The following FAT1 variants were observed in gnomAD, a reference collection of about 807,000 sequenced individuals.
The protein encoded by FAT1 is FAT atypical cadherin 1.
A neutral mutation model predicts 329.8 loss-of-function variants in FAT1; 171 were observed. That is an observed-to-expected ratio of 0.52 (90% confidence interval 0.46 to 0.59). The LOEUF (loss-of-function observed/expected upper bound fraction) is 0.59, where lower values mean the gene tolerates loss of function less well. Among genes scored for constraint, FAT1 ranks in the 20% least tolerant of loss-of-function variants. FAT1 has a pLI of 0.00. For synonymous variants in FAT1, 2,233 were observed against 2,228.6 expected (o/e 1.00, Z -0.06); for missense variants, 5,672 against 5,774.4 (o/e 0.98, Z 0.57).
intron 3 of FAT1, among the ~76,000 whole-genome samples, chr4:186,653,872 T>G (rs2126600361): frequency 6.6e-6 from 1 of 152,284 alleles, no homozygotes; most frequent in Admixed American, 6.5e-5. Flanking sequence ...TAGAAACAGT[T>G]TGATGACCCC....
chr4:186,695,760 A>AACACACACACACAC (rs34932295), intron 2 of FAT1, among the ~76,000 whole-genome samples: 33 of 141,332 alleles, frequency 2.3e-4, no homozygotes, highest in African/African-American at 4.8e-4. Context: ...TTATATATAA[A>AACACACACACACAC]ACACACACAC....
chr4:186,678,369 C>T (rs1743045635), intron 2 of FAT1, among the ~76,000 whole-genome samples: 1 of 151,100 alleles, frequency 6.6e-6, no homozygotes, highest in African/African-American at 2.4e-5. Context: ...TTTGTAAGGC[C>T]AATCTAGTAG....
intron 16 of FAT1, among the ~76,000 whole-genome samples, chr4:186,607,544 T>G (rs1168104252): frequency 6.6e-6 from 1 of 151,566 alleles, no homozygotes; most frequent in African/African-American, 2.4e-5. Context: ...GGTGGATGGA[T>G]GGATAACTGG....
At chr4:186,718,307 T>C (rs529502878) in intron 1 of FAT1, among the ~76,000 whole-genome samples, 1 of 152,292 alleles carries the variant, frequency 6.6e-6, no homozygotes, top group East Asian at 1.9e-4. Flanking sequence ...CTGCCTCTTC[T>C]ACAGCTCCTC....
At chr4:186,676,767 T>A (rs1020280461) in intron 2 of FAT1, among the ~76,000 whole-genome samples, 1 of 152,138 alleles carries the variant, frequency 6.6e-6, no homozygotes, top group Non-Finnish European at 1.5e-5. Flanking sequence ...GTCTCTGGAG[T>A]CCTAGAATGC....
upstream of FAT1, among the ~76,000 whole-genome samples, chr4:186,725,740 A>G (rs1181692416): frequency 6.6e-6 from 1 of 152,212 alleles, no homozygotes; most frequent in African/African-American, 2.4e-5. The surrounding 1 kb of genome is among the most constrained non-coding windows in gnomAD (Gnocchi z 5.4). Context: ...TGTCCTTTAA[A>G]TAATCGACCC....
chr4:186,724,289 A>G (rs1362377149), upstream of FAT1, among the ~76,000 whole-genome samples: 3 of 150,662 alleles, frequency 2.0e-5, no homozygotes, highest in African/African-American at 4.9e-5. The surrounding 1 kb of genome is among the most constrained non-coding windows in gnomAD (Gnocchi z 5.3). Flanking sequence ...TCTGCATTTG[A>G]ATGGCGCGGC....
At chr4:186,591,090 G>T (rs1014751906) in intron 26 of FAT1, among the ~76,000 whole-genome samples, 2 of 152,150 alleles carry the variant, frequency 1.3e-5, no homozygotes, top group Non-Finnish European at 2.9e-5. Flanking sequence ...CCCACTATCA[G>T]TTAGGGCCAT....
At chr4:186,634,387 A>C (rs1417044214) in intron 6 of FAT1, among the ~76,000 whole-genome samples, 1 of 152,202 alleles carries the variant, frequency 6.6e-6, no homozygotes, top group Non-Finnish European at 1.5e-5. Flanking sequence ...AATATTATCC[A>C]AATATTTTTG....
intron 2 of FAT1, among the ~76,000 whole-genome samples, chr4:186,679,605 A>G (rs867308104): frequency 2.2e-4 from 21 of 96,650 alleles, no homozygotes; most frequent in African/African-American, 7.8e-4. Context: ...TCAACATGGG[A>G]AAAAAAAAAA....
intron 14 of FAT1, among the ~76,000 whole-genome samples, chr4:186,610,273 C>A (rs901898020): frequency 6.6e-6 from 1 of 152,098 alleles, no homozygotes; most frequent in African/African-American, 2.4e-5. Context: ...CCACCTACAT[C>A]CCTGCTTATT....
chr4:186,620,123 C>G lies in FAT1; in HGVS notation c.6463G>C (p.Val2155Leu), dbSNP rs1255549120. The change falls in exon 10 of 27, where the codon GTT becomes CTT. Residue 2155 changes from valine to leucine, a missense_variant. Coordinates refer to ENST00000441802, the MANE Select transcript of FAT1 (RefSeq NM_005245.4). ...GCCGGGTTCCCTCCATCTTTTGCAA[C>G]CACTGTAACAAGATATTCTTTATTT... Reference protein sequence around the residue: ...TLNKEYLVTVVAKDGGNPAFS... With the variant: ...TLNKEYLVTVLAKDGGNPAFS... 6.2e-7 allele frequency: 1 copy of G among 1,613,982 alleles called. No individual in the cohort carries two copies. The highest frequency in any genetic ancestry group is 8.5e-7 in the Non-Finnish European group (1 of 1,179,880).
At position 186,588,646 on chromosome 4, in the gene FAT1, G is replaced by C. The variant is rs1738069301; in HGVS notation, c.13713C>G (p.His4571Gln). ...MSDYESGDDG[H>Q]FEEVTIPPLD... is the part of the protein sequence containing the mutation. ...GGGGCGGGATCGTCACCTCTTCGAA[G>C]TGGCCGTCGTCCCCGCTCTCATAGT... Residue 4571 changes from histidine (H) to glutamine (Q), a missense_variant, in exon 27 of 27, where the codon CAC becomes CAG. Coordinates refer to ENST00000441802, the MANE Select transcript of FAT1 (RefSeq NM_005245.4). 6.2e-7 allele frequency: 1 copy of C among 1,613,926 alleles called. No individual in the cohort carries two copies. Among genetic ancestry groups the C allele is most frequent in the Non-Finnish European group, 8.5e-7 (1 of 1,179,878 alleles).
chr4:186,614,142 T>C (rs765744947), intron 12 of FAT1, 49 bp downstream of exon 12: 3 of 1,494,790 alleles, frequency 2.0e-6, no homozygotes, highest in South Asian at 2.6e-5. Flanking sequence ...CCCACATATA[T>C]GATACTGTTG....
At chr4:186,661,481 G>T (rs1742167705) in intron 3 of FAT1, among the ~76,000 whole-genome samples, 1 of 152,206 alleles carries the variant, frequency 6.6e-6, no homozygotes, top group African/African-American at 2.4e-5. Context: ...AGAAAGCAGA[G>T]TTCAGAGTTT....
chr4:186,665,505 G>A (rs1393757268), intron 2 of FAT1, among the ~76,000 whole-genome samples: 2 of 152,178 alleles, frequency 1.3e-5, no homozygotes, highest in Non-Finnish European at 2.9e-5. Context: ...TTTGAGAAGT[G>A]TCTGTTCATA....
Position 186,618,567 on chromosome 4 carries a change from A to G in FAT1, c.8019T>C (p.Val2673=), listed in dbSNP as rs2126496753. 6.2e-7 allele frequency: 1 copy of G among 1,614,036 alleles called. No homozygotes were observed. Among genetic ancestry groups the G allele is most frequent in the East Asian group, 2.2e-5 (1 of 44,888 alleles). ...GLENEFFTFF[V]RAVDNGSPSK... ...ATGGAGACCCATTATCCACAGCTCT[A>G]ACAAAGAAAGTGAAGAATTCATTTT... Residue 2673 remains valine (V), a synonymous_variant, in exon 10 of 27, where the codon GTT becomes GTC. Coordinates refer to ENST00000441802, the MANE Select transcript of FAT1 (RefSeq NM_005245.4).
intron 16 of FAT1, among the ~76,000 whole-genome samples, chr4:186,606,619 C>T (rs1739150013): frequency 1.3e-5 from 2 of 152,148 alleles, no homozygotes; most frequent in African/African-American, 2.4e-5. Flanking sequence ...TGGAAGTAGA[C>T]AGACATGAGC....
chr4:186,645,968 T>TATACAC (rs1360294625), intron 3 of FAT1, among the ~76,000 whole-genome samples: 3 of 105,230 alleles, frequency 2.9e-5, no homozygotes, highest in Admixed American at 2.1e-4. Flanking sequence ...AAAAAATATA[T>TATACAC]ACACACACAC....
Sources: allele counts gnomAD v4.1 joint callset (sites outside exome capture counted in the v4.1 genomes callset), GRCh38; gene constraint gnomAD v4.1.1; non-coding constraint Gnocchi (gnomAD v3.1); transcripts MANE v1.5; gene names NCBI Gene and HGNC (gene_info 2026-07-23, HGNC 2026-07-21).